PVT1: variants seen among roughly 807,000 people sequenced by gnomAD.
PVT1 encodes Pvt1 oncogene, also known as CXCR4/PVT1 fusion.
intron 3 of PVT1, among the ~76,000 whole-genome samples, chr8:127,902,401 G>A (rs1232785387): frequency 6.6e-6 from 1 of 151,826 alleles, no homozygotes; most frequent in Non-Finnish European, 1.5e-5. Flanking sequence ...CTACACCAGA[G>A]CTCCAGAGCT....
chr8:127,937,703 C>T (rs1816295876), intron 3 of PVT1, among the ~76,000 whole-genome samples: 1 of 151,984 alleles, frequency 6.6e-6, no homozygotes. Flanking sequence ...GTAGAGCCAG[C>T]CAGCATATAG....
chr8:127,857,662 A>G (rs544710590), intron 2 of PVT1, among the ~76,000 whole-genome samples: 31 of 152,344 alleles, frequency 2.0e-4, no homozygotes, highest in African/African-American at 6.0e-4. Context: ...TCTAGGCCAC[A>G]GAGTGAGACT....
intron 4 of PVT1, among the ~76,000 whole-genome samples, chr8:128,011,002 G>A (rs1817307967): frequency 6.6e-6 from 1 of 152,182 alleles, no homozygotes; most frequent in Non-Finnish European, 1.5e-5. Flanking sequence ...TCTAATGAAA[G>A]GGTGGGGCTA....
At chr8:127,997,159 ATT>A (rs1817117004) in intron 4 of PVT1, among the ~76,000 whole-genome samples, 1 of 149,138 alleles carries the variant, frequency 6.7e-6, no homozygotes, top group Non-Finnish European at 1.5e-5. Context: ...GGGTCAAGCG[ATT>A]CTCCCCAGTA....
chr8:127,905,401 G>A (rs1489492285), intron 3 of PVT1, among the ~76,000 whole-genome samples: 1 of 152,240 alleles, frequency 6.6e-6, no homozygotes, highest in African/African-American at 2.4e-5. Context: ...TCCACGGGGA[G>A]CCTCACATGA....
chr8:128,052,514 A>G (rs552515339), intron 4 of PVT1, among the ~76,000 whole-genome samples: 2 of 152,326 alleles, frequency 1.3e-5, no homozygotes, highest in African/African-American at 4.8e-5. Context: ...TTGTGAAGGT[A>G]TATTTTTCAT....
chr8:127,973,707 G>A (rs144752644), intron 3 of PVT1, among the ~76,000 whole-genome samples: 39 of 149,790 alleles, frequency 2.6e-4, no homozygotes, highest in Admixed American at 6.0e-4. Flanking sequence ...GGCCAAACAC[G>A]GTGGCTCACA....
At chr8:127,918,471 C>T (rs915631591) in intron 3 of PVT1, among the ~76,000 whole-genome samples, 17 of 152,196 alleles carry the variant, frequency 1.1e-4, no homozygotes, top group African/African-American at 3.9e-4. Context: ...CTACCAACGA[C>T]GATGGCTTTC....
intron 5 of PVT1, among the ~76,000 whole-genome samples, chr8:128,092,641 C>T (rs936380597): frequency 2.0e-5 from 3 of 152,154 alleles, no homozygotes; most frequent in Non-Finnish European, 4.4e-5. Flanking sequence ...TGAATTATGA[C>T]GTTCACAGGT....
intron 3 of PVT1, among the ~76,000 whole-genome samples, chr8:127,893,064 C>T (rs896693081): frequency 6.6e-6 from 1 of 152,108 alleles, no homozygotes; most frequent in African/African-American, 2.4e-5. Context: ...CCAGAGTGGG[C>T]TCAGACACCA....
chr8:127,992,685 C>T (rs79750782), intron 4 of PVT1, among the ~76,000 whole-genome samples: 2,930 of 152,360 alleles, frequency 0.019, 43 homozygotes, highest in South Asian at 0.035. Context: ...TCCTGACCCT[C>T]TCAGTGTCAT....
At chr8:128,098,255 T>C (rs994567337) in intron 6 of PVT1, among the ~76,000 whole-genome samples, 4 of 152,170 alleles carry the variant, frequency 2.6e-5, no homozygotes, top group African/African-American at 9.7e-5. Context: ...GAGAAGCTGC[T>C]GTGTTTAGAG....
intron 3 of PVT1, among the ~76,000 whole-genome samples, chr8:127,925,297 G>C (rs969172732): frequency 1.3e-5 from 2 of 152,128 alleles, no homozygotes; most frequent in African/African-American, 4.8e-5. Context: ...TTTGGGGACA[G>C]CAAAGCTCTA....
chr8:127,850,756 C>T lies in PVT1; in HGVS notation n.373-39833C>T, dbSNP rs148743684. On this transcript the variant is annotated intron_variant and non_coding_transcript_variant, in intron 2 of 10. Transcript: ENST00000651587. The stretch of plus-strand genomic sequence containing the variant: ...AGTTGTGATCAGGAGCGGTGGCTCA[C>T]GCCTGTAATCCCAGCAGTTTGGGAG... Among the ~76,000 whole-genome samples the T allele has an allele frequency of 1.9e-3, 297 of 152,316 alleles. 1 individual carries two copies. Among genetic ancestry groups the T allele is most frequent in the Middle Eastern group, 3.4e-3 (1 of 294 alleles).
rs920438524 is a variant in PVT1, at chr8:127,970,437, A to G, written n.783-18725A>G. ...CTCAGCCTCCCGAGTAGCTGGGACT[A>G]CAGGCGCCCGCCACCATGCCTGGCT... On this transcript the variant is annotated intron_variant and non_coding_transcript_variant, in intron 3 of 10. Coordinates refer to ENST00000651587, the Ensembl canonical transcript of PVT1. Among the ~76,000 whole-genome samples the G allele has an allele frequency of 6.5e-4, 99 of 151,906 alleles. 1 individual carries two copies. The highest frequency in any genetic ancestry group is 2.2e-3 in the African/African-American group (93 of 41,446).
chr8:128,049,844 G>A (rs1047632400), intron 4 of PVT1, among the ~76,000 whole-genome samples: 1 of 152,158 alleles, frequency 6.6e-6, no homozygotes, highest in Admixed American at 6.5e-5. Flanking sequence ...CTGTGCGTCC[G>A]ACTTCTCATC....
chr8:127,900,994 G>T (rs1815752130), intron 3 of PVT1, among the ~76,000 whole-genome samples: 1 of 152,200 alleles, frequency 6.6e-6, no homozygotes, highest in South Asian at 2.1e-4. Context: ...CCAGAGTCTG[G>T]GTGTGGAAGG....
At chr8:127,919,351 G>T (rs972176033) in intron 3 of PVT1, among the ~76,000 whole-genome samples, 3 of 152,200 alleles carry the variant, frequency 2.0e-5, no homozygotes, top group African/African-American at 7.2e-5. Context: ...TTAACAAGTG[G>T]AAAGGATTCA....
At chr8:127,911,099 A>G (rs1815891929) in intron 3 of PVT1, among the ~76,000 whole-genome samples, 1 of 152,142 alleles carries the variant, frequency 6.6e-6, no homozygotes, top group Admixed American at 6.5e-5. Flanking sequence ...GGCTGGACCT[A>G]TAGACTTCCA....
Sources: allele counts gnomAD v4.1 joint callset (sites outside exome capture counted in the v4.1 genomes callset), GRCh38; gene constraint gnomAD v4.1.1; transcripts MANE v1.5; gene names NCBI Gene and HGNC (gene_info 2026-07-23, HGNC 2026-07-21).